The following TC2N variants were observed in gnomAD, a reference collection of about 807,000 sequenced individuals.
The protein encoded by TC2N is tandem C2 domains nuclear protein.
A neutral mutation model predicts 61.9 loss-of-function variants in TC2N; 51 were observed. The observed-to-expected ratio is 0.82, with a 90% confidence interval of 0.66 to 1.04. The LOEUF is 1.04. Ranked by LOEUF, TC2N falls within the 50% of genes least tolerant of loss-of-function variation. The pLI, the probability that TC2N is intolerant of heterozygous loss-of-function variation, is 0.00. For missense variants in TC2N, 556 were observed against 566.7 expected (o/e 0.98, Z 0.19); for synonymous variants, 204 against 192.6 (o/e 1.06, Z -0.49).
intron 1 of TC2N, among the ~76,000 whole-genome samples, chr14:91,854,578 CCAAA>C (rs1454540242): frequency 6.6e-6 from 1 of 151,850 alleles, no homozygotes; most frequent in African/African-American, 2.4e-5. Flanking sequence ...ATGCAAAAGA[CCAAA>C]CAAACTGAAC....
chr14:91,812,269 A>G, intron 3 of TC2N, 43 bp downstream of exon 3: 2 of 1,082,014 alleles, frequency 1.8e-6, no homozygotes, highest in Non-Finnish European at 2.6e-6. Context: ...TAGCACTTAA[A>G]TGCTACATAT....
rs905323275 is a variant in TC2N, at chr14:91,787,770, G to A, written c.1048-143C>T. 5.2e-6 allele frequency: 3 copies of A among 575,578 alleles called. No homozygotes were observed. The Admixed American group carries it at 9.8e-5, about 19-fold the overall frequency. The allele number at this position is 575,578 out of a possible 1,614,324, so 35.7% of individuals were successfully genotyped here. The stretch of plus-strand genomic sequence containing the variant: ...TCAAAACTATAAGTTACAAGACAAA[G>A]TTATGAAGATAAATATCATGAATTC... On this transcript the variant is annotated intron_variant, in intron 9 of 11. Coordinates refer to ENST00000435962, the MANE Select transcript of TC2N (RefSeq NM_001128596.3).
chr14:91,848,855 GTCA>G (rs1227856861), intron 1 of TC2N, among the ~76,000 whole-genome samples: 18 of 152,120 alleles, frequency 1.2e-4, no homozygotes, highest in Non-Finnish European at 1.9e-4. Context: ...GCTCTTCATA[GTCA>G]TCATCTCCCC....
chr14:91,846,954 C>T (rs559353697), intron 1 of TC2N, among the ~76,000 whole-genome samples: 11 of 152,224 alleles, frequency 7.2e-5, no homozygotes, highest in Admixed American at 2.0e-4. Flanking sequence ...AAACCCAATT[C>T]GAATGGTCAT....
intron 1 of TC2N, among the ~76,000 whole-genome samples, chr14:91,859,092 T>G (rs1888541477): frequency 6.6e-6 from 1 of 152,118 alleles, no homozygotes; most frequent in Admixed American, 6.5e-5. Flanking sequence ...AGGGGTCACC[T>G]TATCTGCACC....
At chr14:91,788,649 C>A (rs887233257) in intron 9 of TC2N, among the ~76,000 whole-genome samples, 6 of 152,088 alleles carry the variant, frequency 3.9e-5, no homozygotes, top group African/African-American at 7.2e-5. Context: ...AACAAAAAAA[C>A]AACAAAAACT....
chr14:91,781,071 A>C lies in TC2N; in HGVS notation c.*2029T>G, dbSNP rs1354073560. The C allele has an allele frequency of 1.3e-5, 2 of 152,126 alleles. No homozygotes were observed. Among genetic ancestry groups the C allele is most frequent in the African/African-American group, 4.8e-5 (2 of 41,442 alleles). 9.4% of individuals were successfully genotyped at this position (152,126 alleles called of 1,614,324 possible). A position where few individuals can be genotyped will look rare whatever the true frequency, so the allele number is the denominator to read the frequency against. On this transcript the variant is annotated 3_prime_UTR_variant, in exon 12 of 12. Coordinates refer to ENST00000435962, the MANE Select transcript of TC2N (RefSeq NM_001128596.3). ...TACATACATTGTAAGAATATAGAAAATTAAATAAATCAAATAATTAAATAT... is the reference window on the plus strand; with the variant it reads ...TACATACATTGTAAGAATATAGAAACTTAAATAAATCAAATAATTAAATAT...
chr14:91,788,670 C>T (rs1885482311), intron 9 of TC2N, among the ~76,000 whole-genome samples: 2 of 152,092 alleles, frequency 1.3e-5, no homozygotes, highest in African/African-American at 4.8e-5. Flanking sequence ...CCAACCTCTC[C>T]ATATACATAA....
intron 1 of TC2N, among the ~76,000 whole-genome samples, chr14:91,849,463 G>A (rs1205364638): frequency 6.6e-6 from 1 of 152,138 alleles, no homozygotes; most frequent in African/African-American, 2.4e-5. Flanking sequence ...GATTCCAAAG[G>A]CATTAGATTT....
intron 1 of TC2N, among the ~76,000 whole-genome samples, chr14:91,847,827 T>C (rs1595275060): frequency 6.6e-6 from 1 of 152,258 alleles, no homozygotes; most frequent in African/African-American, 2.4e-5. Context: ...GGTTAACCTA[T>C]GAGGAAATCC....
At position 91,797,857 on chromosome 14, in the gene TC2N, A is replaced by G. The variant is rs753612293; in HGVS notation, c.783T>C (p.Thr261=). The stretch of plus-strand genomic sequence containing the variant: ...ATGTAAGTATTCCTTTTATAGAAAC[A>G]GTAGGAGTGTCTCCATAACTAGAGG... ...SWPSSYGDTP[T]VSIKGILTLP... Residue 261 remains threonine (T), a synonymous_variant, in exon 8 of 12, where the codon ACT becomes ACC. Coordinates refer to ENST00000435962, the MANE Select transcript of TC2N (RefSeq NM_001128596.3). 6.2e-7 allele frequency: 1 copy of G among 1,610,566 alleles called. No individual in the cohort carries two copies. Among genetic ancestry groups the G allele is most frequent in the Non-Finnish European group, 8.5e-7 (1 of 1,178,042 alleles).
chr14:91,843,080 C>T (rs2139911054), intron 1 of TC2N, among the ~76,000 whole-genome samples: 2 of 152,240 alleles, frequency 1.3e-5, no homozygotes, highest in Middle Eastern at 6.8e-3. Flanking sequence ...CCTTCTTGTA[C>T]TTCTACCAAT....
At chr14:91,850,525 AC>A (rs1888354624) in intron 1 of TC2N, among the ~76,000 whole-genome samples, 1 of 152,210 alleles carries the variant, frequency 6.6e-6, no homozygotes, top group South Asian at 2.1e-4. Flanking sequence ...CACTCATATT[AC>A]CACCTGAGCT....
At chr14:91,819,518 G>C (rs945934361) in intron 1 of TC2N, among the ~76,000 whole-genome samples, 28 of 152,070 alleles carry the variant, frequency 1.8e-4, no homozygotes, top group Non-Finnish European at 2.9e-4. Flanking sequence ...AAAGTTGAAA[G>C]AACATATTAC....
rs958605409 is a variant in TC2N, at chr14:91,833,970, T to C, written c.-56-20145A>G. On this transcript the variant is annotated intron_variant, in intron 1 of 11. Transcript: ENST00000435962. ...ACGAAGACTGAAGTGAAACTCATTA[T>C]ACAGAAATTTTAATCTAAGAGCTTT... 4.6e-5 allele frequency among the ~76,000 whole-genome samples: 7 copies of C among 152,192 alleles called. 1 individual carries two copies. Among genetic ancestry groups the C allele is most frequent in the Admixed American group, 2.6e-4 (4 of 15,280 alleles).
At chr14:91,830,655 C>A (rs1182547443) in intron 1 of TC2N, among the ~76,000 whole-genome samples, 4 of 150,452 alleles carry the variant, frequency 2.7e-5, no homozygotes, top group Admixed American at 6.6e-5. Context: ...AATGAATATA[C>A]AAAAAAAAAC....
chr14:91,790,598 TATTC>T (rs1386049198), intron 9 of TC2N, among the ~76,000 whole-genome samples: 1 of 152,226 alleles, frequency 6.6e-6, no homozygotes, highest in Non-Finnish European at 1.5e-5. Context: ...TAGCCATAAT[TATTC>T]ATTCATATTT....
In TC2N at chr14:91,781,424, T is replaced by C. The variant is rs1351078293; in HGVS notation, c.*1676A>G. On this transcript the variant is annotated 3_prime_UTR_variant, in exon 12 of 12. Transcript: ENST00000435962. ...TAATGATGTTTCAGAGTAGGTTCAT[T>C]GATTGTAACAAATGTACCATTGTGG... 2 of 152,108 alleles carry C rather than the reference T, an allele frequency of 1.3e-5. No individual in the cohort carries two copies. The highest frequency in any genetic ancestry group is 1.3e-4 in the Admixed American group (2 of 15,270). The allele number at this position is 152,108 out of a possible 1,614,324, so 9.4% of individuals were successfully genotyped here.
At chr14:91,820,570 C>T (rs118181473) in intron 1 of TC2N, among the ~76,000 whole-genome samples, 2,110 of 151,870 alleles carry the variant, frequency 0.014, 25 homozygotes, top group Non-Finnish European at 0.02. Context: ...TTTCTACTCT[C>T]TCTACCTTTA....
Sources: allele counts gnomAD v4.1 joint callset (sites outside exome capture counted in the v4.1 genomes callset), GRCh38; gene constraint gnomAD v4.1.1; transcripts MANE v1.5; gene names NCBI Gene and HGNC (gene_info 2026-07-23, HGNC 2026-07-21).